Variants in WNT7B observed in about 807,000 individuals in gnomAD.
WNT7B encodes the protein protein Wnt-7b.
Under a neutral mutation model 38.2 loss-of-function variants are expected in WNT7B, and 19 were observed. The ratio of observed to expected loss-of-function variants is 0.50; its 90% CI spans 0.35 to 0.73. The LOEUF is 0.73. Among genes scored for constraint, WNT7B ranks in the 30% least tolerant of loss-of-function variants. The pLI is 0.01. For missense variants in WNT7B, 423 were observed against 507.9 expected, an observed-to-expected ratio of 0.83 and a Z score of 1.61; for synonymous variants, 243 against 209.3, an observed-to-expected ratio of 1.16 and a Z score of -1.39.
chr22:45,929,940 CCTTCCATCCATCCACTCATA>C (rs916837351), intron 3 of WNT7B, among the ~76,000 whole-genome samples: 4 of 115,258 alleles, frequency 3.5e-5, no homozygotes, highest in African/African-American at 1.0e-4. Context: ...ACCCACTCAT[CCTTCCATCCATCCACTCATA>C]CATCTATCCA....
At chr22:45,930,852 C>T (rs561009076) in intron 3 of WNT7B, among the ~76,000 whole-genome samples, 1 of 152,218 alleles carries the variant, frequency 6.6e-6, no homozygotes. Context: ...CCCCATCTTC[C>T]CTGGGGGCCG....
intron 1 of WNT7B, among the ~76,000 whole-genome samples, chr22:45,974,607 T>C (rs1932515000): frequency 6.6e-6 from 1 of 152,038 alleles, no homozygotes; most frequent in Non-Finnish European, 1.5e-5. Context: ...GTGTTTTAGA[T>C]TGGCTCACCA....
At chr22:45,950,738 G>A (rs545043731) in intron 1 of WNT7B, among the ~76,000 whole-genome samples, 127 of 152,354 alleles carry the variant, frequency 8.3e-4, no homozygotes, top group African/African-American at 2.7e-3. Flanking sequence ...TGAAATGGGG[G>A]TATAAAACAC....
chr22:45,927,928 G>A (rs986984681), intron 3 of WNT7B, among the ~76,000 whole-genome samples: 2 of 152,200 alleles, frequency 1.3e-5, no homozygotes, highest in African/African-American at 2.4e-5. Flanking sequence ...GACGACTCAG[G>A]CTCAGAGGAG....
intron 2 of WNT7B, among the ~76,000 whole-genome samples, chr22:45,933,426 G>A (rs1931429893): frequency 6.6e-6 from 1 of 152,170 alleles, no homozygotes; most frequent in Admixed American, 6.5e-5. Flanking sequence ...ACTTCCCCGA[G>A]TCTAAATTAG....
intron 3 of WNT7B, chr22:45,927,724 C>T (rs1931134911): frequency 3.0e-6 from 2 of 663,780 alleles, no homozygotes; most frequent in Non-Finnish European, 5.5e-6. Context: ...GGTGAAGCCC[C>T]ATCTCTACTA....
In WNT7B at chr22:45,965,052, G is replaced by A. The variant is rs111798365; in HGVS notation, c.71+11632C>T. 1.6e-3 allele frequency among the ~76,000 whole-genome samples: 243 copies of A among 152,098 alleles called. No homozygotes were observed. Among genetic ancestry groups the A allele is most frequent in the African/African-American group, 5.3e-3 (221 of 41,482 alleles). The stretch of plus-strand genomic sequence containing the variant: ...TCCCTGCCCTGGGCTCCCCAGACCC[G>A]AGATCACTGCCTCCGGCCCCGCCCC... On this transcript the variant is annotated intron_variant, in intron 1 of 3. Coordinates refer to ENST00000339464, the MANE Select transcript of WNT7B (RefSeq NM_058238.3). This position sits in a 1 kb window ranked among gnomAD's most constrained non-coding sequence, Gnocchi z 6.5.
At chr22:45,969,800 T>C (rs1932392875) in intron 1 of WNT7B, among the ~76,000 whole-genome samples, 1 of 152,130 alleles carries the variant, frequency 6.6e-6, no homozygotes, top group Non-Finnish European at 1.5e-5. Context: ...TCTGGAAAGC[T>C]CCTGAAAGTT....
intron 2 of WNT7B, among the ~76,000 whole-genome samples, chr22:45,941,075 C>A (rs1413006667): frequency 1.3e-5 from 2 of 152,170 alleles, no homozygotes; most frequent in African/African-American, 4.8e-5. Context: ...CCCCACCCAC[C>A]GGGAGGCCTG....
At chr22:45,935,299 G>A (rs1455669206) in intron 2 of WNT7B, among the ~76,000 whole-genome samples, 1 of 152,176 alleles carries the variant, frequency 6.6e-6, no homozygotes, top group African/African-American at 2.4e-5. Context: ...GACTTCCAGT[G>A]CCTTGGCCTG....
intron 2 of WNT7B, among the ~76,000 whole-genome samples, chr22:45,934,786 T>G (rs1931470051): frequency 6.6e-6 from 1 of 152,222 alleles, no homozygotes; most frequent in Non-Finnish European, 1.5e-5. Flanking sequence ...GCTAATTCCT[T>G]TTTTATTTGC....
At chr22:45,972,115 A>AGGGGGGGG in intron 1 of WNT7B, 1 of 356,302 alleles carries the variant, frequency 2.8e-6, no homozygotes, top group Non-Finnish European at 5.2e-6. Context: ...GCCCGGGGGG[A>AGGGGGGGG]GCCCACCCGC....
chr22:45,935,742 C>A (rs1367504574), intron 2 of WNT7B: 2 of 895,278 alleles, frequency 2.2e-6, no homozygotes, highest in Non-Finnish European at 2.7e-6. Flanking sequence ...TCCAAGACAG[C>A]CCCATTCTGA....
intron 1 of WNT7B, among the ~76,000 whole-genome samples, chr22:45,962,865 T>C (rs1932227877): frequency 6.6e-6 from 1 of 152,180 alleles, no homozygotes; most frequent in Non-Finnish European, 1.5e-5. Flanking sequence ...GATGGGTGGG[T>C]GGACAGACAG....
rs573150145 is a variant in WNT7B at position 45,935,383 on chromosome 22, GCA to G, written c.299-4016_299-4015del. Among the ~76,000 whole-genome samples, 237 of 152,340 alleles carry G rather than the reference GCA, an allele frequency of 1.6e-3. 1 individual carries two copies. Among genetic ancestry groups the G allele is most frequent in the African/African-American group, 5.4e-3 (226 of 41,590 alleles). The stretch of plus-strand genomic sequence containing the variant: ...GCCTGCAGCCCAGCGTGGCCTGCCT[GCA>G]GGTTGGGCAGCCACCTCTGGTGCAC... On this transcript the variant is annotated intron_variant, in intron 2 of 3. Coordinates refer to ENST00000339464, the MANE Select transcript of WNT7B (RefSeq NM_058238.3).
chr22:45,923,996 C>T (rs548174068), intron 3 of WNT7B, among the ~76,000 whole-genome samples: 134 of 152,342 alleles, frequency 8.8e-4, no homozygotes, highest in African/African-American at 3.1e-3. Flanking sequence ...TCCACGGGTG[C>T]AGCCGAGTGT....
Position 45,976,955 on chromosome 22 carries a change from G to A in WNT7B, c.-201C>T, listed in dbSNP as rs1240303218. ...GATGCCGCCGCCGCCACCGCCGCGT[G>A]AGCCCGGGGAATTGACCCAGGCTGG... is the stretch of plus-strand genomic sequence containing the variant. On this transcript the variant is annotated 5_prime_UTR_variant, in exon 1 of 4. Coordinates refer to ENST00000339464, the MANE Select transcript of WNT7B (RefSeq NM_058238.3). This position sits in a 1 kb window ranked among gnomAD's most constrained non-coding sequence, Gnocchi z 8.5. 7 of 988,064 alleles carry A rather than the reference G, an allele frequency of 7.1e-6. No homozygotes were observed. The African/African-American group carries it at 1.1e-4, about 15-fold the overall frequency. 61.2% of individuals were successfully genotyped at this position (988,064 alleles called of 1,614,324 possible).
intron 2 of WNT7B, 118 bp from the exon 3 acceptor site, chr22:45,931,487 C>T: frequency 8.1e-7 from 1 of 1,229,098 alleles, no homozygotes; most frequent in Non-Finnish European, 1.1e-6. Flanking sequence ...ACCCTGGGCT[C>T]ATCGCTCGCC....
intron 2 of WNT7B, among the ~76,000 whole-genome samples, chr22:45,939,671 A>ACACACAC (rs56044141): frequency 1.3e-5 from 2 of 151,484 alleles, no homozygotes; most frequent in African/African-American, 2.4e-5. Flanking sequence ...ACACACACAC[A>ACACACAC]AAAATAGCCA....
Sources: allele counts gnomAD v4.1 joint callset (sites outside exome capture counted in the v4.1 genomes callset), GRCh38; gene constraint gnomAD v4.1.1; non-coding constraint Gnocchi (gnomAD v3.1); transcripts MANE v1.5; gene names NCBI Gene and HGNC (gene_info 2026-07-23, HGNC 2026-07-21).